Variants in EEFSEC observed in about 807,000 individuals in gnomAD.
The protein encoded by EEFSEC is selenocysteine-specific elongation factor.
In EEFSEC, 43 loss-of-function variants were observed where a neutral mutation model predicts 42.1. The ratio of observed to expected loss-of-function variants is 1.02; its 90% CI spans 0.80 to 1.32. The LOEUF (loss-of-function observed/expected upper bound fraction) is 1.32, where lower values mean the gene tolerates loss of function less well. EEFSEC is among the 40% of genes most tolerant of loss of function. The pLI, the probability that EEFSEC is intolerant of heterozygous loss-of-function variation, is 0.00. For synonymous variants in EEFSEC, 354 were observed against 339.1 expected (o/e 1.04, Z -0.48); for missense variants, 745 against 803.6 (o/e 0.93, Z 0.88).
the EEFSEC span, among the ~76,000 whole-genome samples, chr3:128,415,643 G>A: frequency 6.6e-6 from 1 of 152,194 alleles, no homozygotes; most frequent in East Asian, 1.9e-4. Flanking sequence ...CTCGCCGCCG[G>A]GGCCCATGCT....
intron 1 of EEFSEC, among the ~76,000 whole-genome samples, chr3:128,169,332 A>G (rs34409786): frequency 0.14 from 21,624 of 152,176 alleles, 1,755 homozygotes; most frequent in African/African-American, 0.22. Flanking sequence ...TACGAGTGAG[A>G]GGGTATCAGC....
chr3:128,351,855 C>T (rs1478334942), intron 5 of EEFSEC, among the ~76,000 whole-genome samples: 1 of 152,242 alleles, frequency 6.6e-6, no homozygotes, highest in East Asian at 1.9e-4. Flanking sequence ...TTCATGCAAA[C>T]AGTGAGAATC....
intron 4 of EEFSEC, among the ~76,000 whole-genome samples, chr3:128,313,129 A>G (rs1482469378): frequency 3.3e-5 from 5 of 152,120 alleles, no homozygotes; most frequent in Admixed American, 3.3e-4. Flanking sequence ...CTGGGTAGAA[A>G]CTGGTTTTTC....
downstream of EEFSEC, among the ~76,000 whole-genome samples, chr3:128,411,342 A>C (rs2068172731): frequency 6.6e-6 from 1 of 152,170 alleles, no homozygotes; most frequent in South Asian, 2.1e-4. Context: ...GAATCTGCTC[A>C]TCTACCCACA....
At chr3:128,179,697 A>C (rs1022923887) in intron 1 of EEFSEC, among the ~76,000 whole-genome samples, 1 of 152,194 alleles carries the variant, frequency 6.6e-6, no homozygotes, top group Non-Finnish European at 1.5e-5. Context: ...TTAGCATTTC[A>C]TTTAAAAGCG....
At chr3:128,191,516 G>A (rs896788288) in intron 1 of EEFSEC, among the ~76,000 whole-genome samples, 26 of 152,038 alleles carry the variant, frequency 1.7e-4, no homozygotes, top group African/African-American at 6.3e-4. Flanking sequence ...GTACAATTCA[G>A]TGGCATTAAG....
At chr3:128,353,856 AAAT>A (rs1265720467) in intron 5 of EEFSEC, among the ~76,000 whole-genome samples, 3 of 152,224 alleles carry the variant, frequency 2.0e-5, no homozygotes, top group Non-Finnish European at 4.4e-5. Flanking sequence ...CCTAAAGATT[AAAT>A]AATGATATGG....
chr3:128,315,199 A>G (rs917954328), intron 4 of EEFSEC, among the ~76,000 whole-genome samples: 2 of 152,238 alleles, frequency 1.3e-5, no homozygotes, highest in African/African-American at 4.8e-5. Context: ...AGTGGGGGAT[A>G]ATAAGAGTAC....
intron 6 of EEFSEC, among the ~76,000 whole-genome samples, chr3:128,405,861 C>T (rs1286549820): frequency 6.6e-6 from 1 of 152,254 alleles, no homozygotes; most frequent in African/African-American, 2.4e-5. Context: ...TGTACAGGCC[C>T]TTTGTGCACA....
chr3:128,172,264 G>A (rs1361926832), intron 1 of EEFSEC, among the ~76,000 whole-genome samples: 4 of 152,160 alleles, frequency 2.6e-5, no homozygotes, highest in Non-Finnish European at 5.9e-5. Flanking sequence ...TGGTAGCAAG[G>A]CCCAGCACAT....
At chr3:128,390,917 T>C (rs2107623829) in intron 6 of EEFSEC, among the ~76,000 whole-genome samples, 1 of 152,316 alleles carries the variant, frequency 6.6e-6, no homozygotes, top group South Asian at 2.1e-4. Context: ...AGTGTCCTCA[T>C]CCCTCACAAG....
intron 1 of EEFSEC, among the ~76,000 whole-genome samples, chr3:128,230,033 TTTC>T (rs1377904938): frequency 6.6e-6 from 1 of 151,992 alleles, no homozygotes; most frequent in African/African-American, 2.4e-5. Flanking sequence ...TTTCTTTTCT[TTTC>T]TTTTTTCTTT....
intron 4 of EEFSEC, among the ~76,000 whole-genome samples, chr3:128,297,302 A>G (rs1450453434): frequency 6.6e-6 from 1 of 152,138 alleles, no homozygotes; most frequent in Non-Finnish European, 1.5e-5. Context: ...CCTTCTCTTG[A>G]TTACCATCAA....
At chr3:128,155,777 C>T (rs1030823857) in intron 1 of EEFSEC, among the ~76,000 whole-genome samples, 4 of 152,212 alleles carry the variant, frequency 2.6e-5, no homozygotes, top group Non-Finnish European at 5.9e-5. Context: ...TCTTTGTTAC[C>T]TCCCAACTGT....
At chr3:128,179,047 A>G (rs1576522024) in intron 1 of EEFSEC, among the ~76,000 whole-genome samples, 1 of 152,224 alleles carries the variant, frequency 6.6e-6, no homozygotes, top group South Asian at 2.1e-4. Flanking sequence ...TACAGGCTGG[A>G]AAGATTGCTG....
intron 1 of EEFSEC, among the ~76,000 whole-genome samples, chr3:128,215,229 G>A (rs185512437): frequency 6.6e-6 from 1 of 152,254 alleles, no homozygotes; most frequent in Non-Finnish European, 1.5e-5. Flanking sequence ...TTGAATGTTA[G>A]GGGGTGAAGC....
intron 1 of EEFSEC, among the ~76,000 whole-genome samples, chr3:128,228,960 T>C (rs1358275598): frequency 1.3e-5 from 2 of 152,188 alleles, no homozygotes; most frequent in African/African-American, 2.4e-5. Flanking sequence ...CAGCCTGGTG[T>C]CTCTGAGGTT....
intron 6 of EEFSEC, among the ~76,000 whole-genome samples, chr3:128,403,252 G>A (rs1428519125): frequency 6.6e-6 from 1 of 152,184 alleles, no homozygotes; most frequent in African/African-American, 2.4e-5. Flanking sequence ...CAGAGGGATT[G>A]GCAATGACAG....
At chr3:128,269,295 G>A (rs1344241039) in intron 4 of EEFSEC, among the ~76,000 whole-genome samples, 1 of 152,240 alleles carries the variant, frequency 6.6e-6, no homozygotes, top group African/African-American at 2.4e-5. Flanking sequence ...TCTACTCCAG[G>A]GCAGGGCCTG....
Sources: allele counts gnomAD v4.1 joint callset (sites outside exome capture counted in the v4.1 genomes callset), GRCh38; gene constraint gnomAD v4.1.1; transcripts MANE v1.5; gene names NCBI Gene and HGNC (gene_info 2026-07-23, HGNC 2026-07-21).